TPRG1: variants seen among roughly 807,000 people sequenced by gnomAD.
The protein encoded by TPRG1 is tumor protein p63-regulated gene 1 protein.
Under a neutral mutation model 29.3 loss-of-function variants are expected in TPRG1, and 29 were observed. That is an observed-to-expected ratio of 0.99 (90% CI 0.74 to 1.35). TPRG1 has a LOEUF of 1.35. Among genes scored for constraint, TPRG1 ranks in the 40% most tolerant of loss-of-function variants. TPRG1 has a pLI of 0.00. For synonymous variants in TPRG1, 130 were observed against 116.8 expected (o/e 1.11, Z -0.73); for missense variants, 327 against 335.0 (o/e 0.98, Z 0.19).
intron 4 of TPRG1, among the ~76,000 whole-genome samples, chr3:189,025,136 T>G (rs961708950): frequency 1.1e-4 from 16 of 152,182 alleles, no homozygotes; most frequent in African/African-American, 3.9e-4. Flanking sequence ...TATGTAAAGC[T>G]CCTGGGTCTC....
chr3:189,004,348 T>C (rs1274045068), intron 2 of TPRG1, among the ~76,000 whole-genome samples: 1 of 152,184 alleles, frequency 6.6e-6, no homozygotes, highest in Non-Finnish European at 1.5e-5. Flanking sequence ...GTTTCCTTGC[T>C]CACTGTGATT....
intron 4 of TPRG1, among the ~76,000 whole-genome samples, chr3:189,084,145 C>T (rs974760022): frequency 6.7e-6 from 1 of 149,790 alleles, no homozygotes; most frequent in Non-Finnish European, 1.5e-5. Flanking sequence ...AGTGAGACTC[C>T]GTCTCCAAAA....
chr3:189,111,990 G>T (rs1035176727), intron 1 of TPRG1, among the ~76,000 whole-genome samples: 1 of 152,074 alleles, frequency 6.6e-6, no homozygotes. Flanking sequence ...CTAGTTTTCT[G>T]GGAGTCTTTA....
At chr3:189,163,887 G>A (rs761218346) in intron 5 of TPRG1, among the ~76,000 whole-genome samples, 37 of 152,028 alleles carry the variant, frequency 2.4e-4, no homozygotes, top group African/African-American at 8.2e-4. Flanking sequence ...AAACCCCGCC[G>A]AGAATCATTC....
At chr3:189,219,638 A>G in intron 3 of TPRG1, 2 of 1,288,944 alleles carry the variant, frequency 1.6e-6, no homozygotes, top group South Asian at 1.2e-5. Flanking sequence ...GTATGATATG[A>G]TGGCAATAAA....
At chr3:189,096,206 C>T (rs1295816235), upstream of TPRG1, among the ~76,000 whole-genome samples, 5 of 152,236 alleles carry the variant, frequency 3.3e-5, no homozygotes, top group Non-Finnish European at 5.9e-5. Flanking sequence ...GTATACCTTC[C>T]TTCTCCTGTC....
chr3:189,294,395 T>C (rs1214816349), intron 4 of TPRG1, among the ~76,000 whole-genome samples: 2 of 152,148 alleles, frequency 1.3e-5, no homozygotes, highest in Non-Finnish European at 2.9e-5. Flanking sequence ...TCATATATAA[T>C]GGATTAATTT....
chr3:189,286,571 T>A (rs1177431143), intron 4 of TPRG1, among the ~76,000 whole-genome samples: 1 of 152,122 alleles, frequency 6.6e-6, no homozygotes, highest in Non-Finnish European at 1.5e-5. Flanking sequence ...CAGATTCTCC[T>A]GCCTATGTAT....
At chr3:189,247,679 T>G (rs964454961) in intron 4 of TPRG1, among the ~76,000 whole-genome samples, 1 of 151,974 alleles carries the variant, frequency 6.6e-6, no homozygotes, top group Non-Finnish European at 1.5e-5. Context: ...GTTATTATTT[T>G]CAGGAAAAGC....
At chr3:189,201,309 A>G (rs1733449207) in intron 1 of TPRG1, among the ~76,000 whole-genome samples, 1 of 152,196 alleles carries the variant, frequency 6.6e-6, no homozygotes, top group South Asian at 2.1e-4. Flanking sequence ...AGCTATTGAT[A>G]TTTCAAAAGC....
chr3:189,090,298 G>A (rs1214776453), intron 4 of TPRG1, among the ~76,000 whole-genome samples: 1 of 151,976 alleles, frequency 6.6e-6, no homozygotes, highest in Non-Finnish European at 1.5e-5. Context: ...TGGAGAGGAT[G>A]GATAATGTTT....
chr3:189,149,155 C>T (rs1458493453), intron 4 of TPRG1, among the ~76,000 whole-genome samples: 1 of 152,206 alleles, frequency 6.6e-6, no homozygotes, highest in African/African-American at 2.4e-5. Flanking sequence ...CGTTCCCAAA[C>T]AATCTATATG....
intron 3 of TPRG1, among the ~76,000 whole-genome samples, chr3:189,218,260 C>G (rs1021885979): frequency 2.6e-5 from 4 of 152,004 alleles, no homozygotes; most frequent in African/African-American, 4.8e-5. Context: ...ACTACAGGCA[C>G]CCGCCACCAC....
At chr3:189,069,321 C>G (rs1716665859) in intron 4 of TPRG1, among the ~76,000 whole-genome samples, 1 of 152,038 alleles carries the variant, frequency 6.6e-6, no homozygotes, top group Non-Finnish European at 1.5e-5. Flanking sequence ...AAATGGAGAA[C>G]AGGTTAATGG....
chr3:189,072,515 G>T lies in TPRG1; in HGVS notation c.-463+48569G>T, dbSNP rs139231932. ...CCTTTATGGCTAGTGTACTCCACAG[G>T]TGATATTTTATTTTTCATGGGGCAT... is the stretch of plus-strand genomic sequence containing the variant. On this transcript the variant is annotated intron_variant, in intron 4 of 10. Transcript: ENST00000433971. Among the ~76,000 whole-genome samples the T allele has an allele frequency of 3.1e-3, 477 of 152,104 alleles. 6 individuals carry two copies. The highest frequency in any genetic ancestry group is 0.011 in the African/African-American group (468 of 41,486).
At chr3:189,222,066 T>C (rs1737022823) in intron 3 of TPRG1, among the ~76,000 whole-genome samples, 2 of 152,206 alleles carry the variant, frequency 1.3e-5, no homozygotes, top group Non-Finnish European at 2.9e-5. Context: ...TGATTGTCTT[T>C]TGTTTGCAGG....
intron 3 of TPRG1, among the ~76,000 whole-genome samples, chr3:189,006,334 T>C (rs1277581990): frequency 6.6e-6 from 1 of 152,100 alleles, no homozygotes; most frequent in African/African-American, 2.4e-5. Context: ...CTAGAGGATG[T>C]GAAAGGGTTT....
chr3:189,309,061 A>G (rs1298154537), intron 4 of TPRG1, among the ~76,000 whole-genome samples: 2 of 55,590 alleles, frequency 3.6e-5, no homozygotes, highest in South Asian at 8.8e-4. Context: ...TTTTTTTCCT[A>G]TATACTTTTT....
At chr3:189,063,225 C>G (rs1374862536) in intron 4 of TPRG1, among the ~76,000 whole-genome samples, 3 of 151,922 alleles carry the variant, frequency 2.0e-5, no homozygotes, top group Non-Finnish European at 2.9e-5. Context: ...TCTAAATGTA[C>G]ACACCAAAAA....
Sources: allele counts gnomAD v4.1 joint callset (sites outside exome capture counted in the v4.1 genomes callset), GRCh38; gene constraint gnomAD v4.1.1; transcripts MANE v1.5; gene names NCBI Gene and HGNC (gene_info 2026-07-23, HGNC 2026-07-21).